Variants in ZNG1C observed in about 807,000 individuals in gnomAD.
ZNG1C encodes Zn regulated GTPase metalloprotein activator 1C.
At chr9:68,293,194 CAT>C in the ZNG1C span, among the ~76,000 whole-genome samples, 1 of 152,364 alleles carries the variant, frequency 6.6e-6, no homozygotes, top group African/African-American at 2.4e-5. Flanking sequence ...ATCCAGGAAA[CAT>C]ATCAAAACAG....
At chr9:68,294,165 A>G in the ZNG1C span, among the ~76,000 whole-genome samples, 1 of 146,286 alleles carries the variant, frequency 6.8e-6, no homozygotes, top group Non-Finnish European at 1.5e-5. Context: ...AACCTCTGGG[A>G]TACAGCAAAG....
At chr9:68,247,760 T>G in the ZNG1C span, 36 of 543,056 alleles carry the variant, frequency 6.6e-5, no homozygotes, top group South Asian at 7.4e-4. Context: ...GTTTATTGAT[T>G]ATATTTCCAG....
chr9:68,256,658 ATGTTT>A, the ZNG1C span, among the ~76,000 whole-genome samples: 1 of 130,776 alleles, frequency 7.6e-6, no homozygotes, highest in Non-Finnish European at 1.6e-5. Context: ...TAGAAGAATG[ATGTTT>A]TGTTTATATG....
chr9:68,244,668 A>G, the ZNG1C span, among the ~76,000 whole-genome samples: 1 of 126,668 alleles, frequency 7.9e-6, no homozygotes, highest in African/African-American at 3.2e-5. Flanking sequence ...TTTTTCCTCT[A>G]TGAATTTTAG....
the ZNG1C span, chr9:68,299,248 G>A: frequency 1.9e-5 from 29 of 1,547,852 alleles, no homozygotes; most frequent in East Asian, 1.6e-4. Flanking sequence ...TACAACGTTC[G>A]TAAAAGCTTG....
chr9:68,279,995 CTTTG>C, the ZNG1C span, among the ~76,000 whole-genome samples: 1 of 144,580 alleles, frequency 6.9e-6, no homozygotes, highest in Non-Finnish European at 1.5e-5. Context: ...TTCTTGGAGG[CTTTG>C]TTTGTTTCTT....
chr9:68,292,082 G>A, the ZNG1C span, among the ~76,000 whole-genome samples: 1 of 152,050 alleles, frequency 6.6e-6, no homozygotes, highest in African/African-American at 2.4e-5. Context: ...AAGAGAGAGA[G>A]CAATCACTAC....
At chr9:68,294,140 G>A in the ZNG1C span, among the ~76,000 whole-genome samples, 6 of 149,260 alleles carry the variant, frequency 4.0e-5, no homozygotes, top group Admixed American at 6.7e-5. Context: ...AATGACAATA[G>A]TGACACAACC....
chr9:68,244,733 A>G, the ZNG1C span, among the ~76,000 whole-genome samples: 1,510 of 118,972 alleles, frequency 0.013, no homozygotes, highest in Non-Finnish European at 0.02. Context: ...ATTGGGTTTC[A>G]TATGCCACCT....
At chr9:68,249,005 A>G in the ZNG1C span, 1 of 346,304 alleles carries the variant, frequency 2.9e-6, no homozygotes, top group South Asian at 3.0e-5. Flanking sequence ...TTAGTATTAA[A>G]CCAAAAACTT....
the ZNG1C span, among the ~76,000 whole-genome samples, chr9:68,255,875 G>T: frequency 6.6e-6 from 1 of 152,152 alleles, no homozygotes. Context: ...TAATTGTCAT[G>T]GTAAAGTAAT....
chr9:68,295,169 ATACT>A, the ZNG1C span, among the ~76,000 whole-genome samples: 1 of 16,776 alleles, frequency 6.0e-5, no homozygotes, highest in Non-Finnish European at 1.6e-4. Context: ...ATAAACCCAA[ATACT>A]TACAGCCAAC....
the ZNG1C span, among the ~76,000 whole-genome samples, chr9:68,257,632 G>A: frequency 8.2e-6 from 1 of 122,218 alleles, no homozygotes; most frequent in Non-Finnish European, 1.7e-5. Context: ...TAATCCTCCA[G>A]GCAATATGAG....
At chr9:68,276,204 G>GC in the ZNG1C span, among the ~76,000 whole-genome samples, 149 of 110,870 alleles carry the variant, frequency 1.3e-3, no homozygotes, top group African/African-American at 4.7e-3. Flanking sequence ...CTGGATATTA[G>GC]CCCTTTGTCA....
the ZNG1C span, among the ~76,000 whole-genome samples, chr9:68,267,134 C>T: frequency 1.3e-5 from 2 of 152,248 alleles, no homozygotes; most frequent in African/African-American, 2.4e-5. Flanking sequence ...GTGTACAATG[C>T]TTTGAGCGTG....
At chr9:68,268,706 A>T in the ZNG1C span, among the ~76,000 whole-genome samples, 1 of 152,220 alleles carries the variant, frequency 6.6e-6, no homozygotes, top group African/African-American at 2.4e-5. Flanking sequence ...ATTTTTGCAT[A>T]TATGTTTTAT....
At chr9:68,249,135 T>C in the ZNG1C span, 25 of 564,636 alleles carry the variant, frequency 4.4e-5, no homozygotes, top group Middle Eastern at 9.8e-4. Flanking sequence ...TATTGATTGA[T>C]TTAGGATTAT....
At chr9:68,275,337 T>C in the ZNG1C span, among the ~76,000 whole-genome samples, 1 of 147,832 alleles carries the variant, frequency 6.8e-6, no homozygotes, top group East Asian at 2.2e-4. Context: ...TTTATTTATT[T>C]ATTATTATTT....
the ZNG1C span, among the ~76,000 whole-genome samples, chr9:68,276,441 G>A: frequency 0.016 from 1,290 of 80,712 alleles, 91 homozygotes; most frequent in African/African-American, 0.056. Context: ...GTTTTAGGTC[G>A]AACGTTTAAG....
Sources: gnomAD v4.1 joint callset for allele counts (sites outside exome capture counted in the v4.1 genomes callset) on GRCh38, gnomAD v4.1.1 for gene constraint, MANE v1.5 for transcripts, NCBI Gene and HGNC (gene_info 2026-07-23, HGNC 2026-07-21) for gene names.